Variants in TTC6 observed in about 807,000 individuals in gnomAD.
TTC6 encodes tetratricopeptide repeat protein 6.
TTC6 carries 172 observed loss-of-function variants against 210.4 expected under a neutral mutation model. The observed-to-expected ratio is 0.82, with a 90% CI of 0.72 to 0.93. The LOEUF (loss-of-function observed/expected upper bound fraction) is 0.93. TTC6 is among the 40% of genes least tolerant of loss of function. TTC6 has a pLI of 0.00. For missense variants in TTC6, 2,414 were observed against 2,318.1 expected, an observed-to-expected ratio of 1.04 and a Z score of -0.85; for synonymous variants, 804 against 819.6, an observed-to-expected ratio of 0.98 and a Z score of 0.32.
intron 5 of TTC6, among the ~76,000 whole-genome samples, chr14:37,707,624 G>A (rs2095837907): frequency 6.6e-6 from 1 of 151,956 alleles, no homozygotes; most frequent in African/African-American, 2.4e-5. Flanking sequence ...AGAACACAAA[G>A]CAGAATCTTT....
chr14:37,769,658 T>C (rs1274419036), intron 14 of TTC6, among the ~76,000 whole-genome samples: 1 of 151,912 alleles, frequency 6.6e-6, no homozygotes. Flanking sequence ...ATCCCCTTTA[T>C]CATTTTTTAT....
In TTC6 at chr14:37,811,531, C is replaced by T. The variant is rs75945769; in HGVS notation, c.4570-783C>T. 3.8e-3 allele frequency among the ~76,000 whole-genome samples: 582 copies of T among 152,226 alleles called. 3 individuals carry two copies. Among genetic ancestry groups the T allele is most frequent in the African/African-American group, 0.013 (545 of 41,538 alleles). ...GCCCTTTTCTGATCAGACCATATGGCTCTTTTGGACAGAATGTTCAGTAGG... is the reference window on the plus strand; with the variant it reads ...GCCCTTTTCTGATCAGACCATATGGTTCTTTTGGACAGAATGTTCAGTAGG... On this transcript the variant is annotated intron_variant, in intron 24 of 30. Transcript: ENST00000553443.
upstream of TTC6, among the ~76,000 whole-genome samples, chr14:37,617,521 C>T (rs1221054609): frequency 6.6e-6 from 1 of 151,880 alleles, no homozygotes; most frequent in Non-Finnish European, 1.5e-5. Context: ...TTGATATTAA[C>T]AGGATTAAAG....
At chr14:37,632,364 A>C (rs1670533436) in intron 1 of TTC6, among the ~76,000 whole-genome samples, 1 of 152,206 alleles carries the variant, frequency 6.6e-6, no homozygotes, top group Non-Finnish European at 1.5e-5. Context: ...ACCTTCAAAC[A>C]GTGAAGCCTC....
chr14:37,787,450 C>G lies in TTC6; in HGVS notation c.3267-18C>G. The G allele has an allele frequency of 6.8e-7, 1 of 1,479,130 alleles. No individual in the cohort carries two copies. 91.6% of individuals were successfully genotyped at this position (1,479,130 alleles called of 1,614,324 possible). A position where few individuals can be genotyped will look rare whatever the true frequency, so the allele number is the denominator to read the frequency against. Reference sequence around the variant, plus strand: ...GTATACTTTACAGTACTTGTTAAAACAAACTTTTTTTTCCTAGGACATACC... The same window carrying G: ...GTATACTTTACAGTACTTGTTAAAAGAAACTTTTTTTTCCTAGGACATACC... On this transcript the variant is annotated intron_variant, in intron 14 of 30. Coordinates refer to ENST00000553443, the Ensembl canonical transcript of TTC6.
intron 14 of TTC6, among the ~76,000 whole-genome samples, chr14:37,777,826 A>G (rs2139232561): frequency 7.8e-6 from 1 of 127,660 alleles, no homozygotes; most frequent in East Asian, 2.4e-4. Flanking sequence ...TGGGGGTTTG[A>G]TTGTGGTATA....
At chr14:37,607,939 CAT>C (rs2139238249) in intron 2 of TTC6, among the ~76,000 whole-genome samples, 1 of 152,346 alleles carries the variant, frequency 6.6e-6, no homozygotes, top group South Asian at 2.1e-4. Flanking sequence ...CTCCCATGCA[CAT>C]ACTCTTACTA....
chr14:37,772,778 G>T (rs988023210), intron 14 of TTC6, among the ~76,000 whole-genome samples: 1 of 152,148 alleles, frequency 6.6e-6, no homozygotes, highest in African/African-American at 2.4e-5. Context: ...CGTTGCTCAC[G>T]CTGGGAGCTG....
chr14:37,746,792 A>T (rs1303722655), intron 10 of TTC6, among the ~76,000 whole-genome samples: 1 of 152,184 alleles, frequency 6.6e-6, no homozygotes. Context: ...ATAGTCATTG[A>T]AAGAAACTTA....
chr14:37,826,494 A>G (rs1566977294), intron 28 of TTC6, 147 bp downstream of exon 30: 1 of 751,454 alleles, frequency 1.3e-6, no homozygotes, highest in South Asian at 3.1e-5. Flanking sequence ...AGTGATCCCT[A>G]GGGTAAAGAG....
At chr14:37,758,984 T>G (rs1179252158) in intron 14 of TTC6, among the ~76,000 whole-genome samples, 1 of 152,084 alleles carries the variant, frequency 6.6e-6, no homozygotes, top group African/African-American at 2.4e-5. Flanking sequence ...GGTTGCAAAT[T>G]CTTTTCTGCT....
At chr14:37,763,599 C>T (rs1172735005) in intron 14 of TTC6, among the ~76,000 whole-genome samples, 5 of 152,086 alleles carry the variant, frequency 3.3e-5, no homozygotes, top group East Asian at 1.9e-4. Context: ...TGCAATTGTT[C>T]ATAGTATTCT....
chr14:37,724,531 A>G (rs2095867863), intron 6 of TTC6, among the ~76,000 whole-genome samples: 3 of 152,002 alleles, frequency 2.0e-5, no homozygotes, highest in South Asian at 4.2e-4. Context: ...TTAATTTTTT[A>G]TTTCATATGC....
intron 6 of TTC6, among the ~76,000 whole-genome samples, chr14:37,718,555 G>GA (rs112513485): frequency 0.3 from 45,891 of 151,598 alleles, 6,939 homozygotes; most frequent in South Asian, 0.4. Flanking sequence ...CAAGAAGTGG[G>GA]AAAAAAAAGC....
At chr14:37,604,372 G>C (rs755148818) in intron 1 of TTC6, among the ~76,000 whole-genome samples, 1 of 152,170 alleles carries the variant, frequency 6.6e-6, no homozygotes, top group Non-Finnish European at 1.5e-5. Flanking sequence ...GGTTCAAGGG[G>C]AGAGGAGATG....
intron 3 of TTC6, 80 bp from the exon 6 acceptor site, chr14:37,696,637 G>T: frequency 1.7e-6 from 1 of 581,274 alleles, no homozygotes; most frequent in Non-Finnish European, 2.7e-6. Context: ...TAAATATTAG[G>T]TGACTCGCTA....
intron 5 of TTC6, among the ~76,000 whole-genome samples, chr14:37,704,561 A>G (rs1025580853): frequency 6.6e-5 from 10 of 152,000 alleles, no homozygotes; most frequent in African/African-American, 2.4e-4. Context: ...GAGAATTACC[A>G]GATCTGGAGT....
chr14:37,664,204 A>C (rs1470078243), intron 1 of TTC6, among the ~76,000 whole-genome samples: 1 of 150,698 alleles, frequency 6.6e-6, no homozygotes, highest in African/African-American at 2.4e-5. Context: ...AGGCAATCCT[A>C]AGTGAAAAGA....
intron 1 of TTC6, among the ~76,000 whole-genome samples, chr14:37,638,502 G>A (rs1186357365): frequency 3.9e-5 from 6 of 152,074 alleles, no homozygotes; most frequent in East Asian, 1.9e-4. Context: ...TGATCTACCC[G>A]CCTTGGCCTC....
Sources: allele counts gnomAD v4.1 joint callset (sites outside exome capture counted in the v4.1 genomes callset), GRCh38; gene constraint gnomAD v4.1.1; transcripts MANE v1.5; gene names NCBI Gene and HGNC (gene_info 2026-07-23, HGNC 2026-07-21).